Variants in PAX8 observed in about 807,000 individuals in gnomAD.
PAX8 encodes the protein paired box protein Pax-8.
In PAX8, 15 loss-of-function variants were observed where a neutral mutation model predicts 52.4. The ratio of observed to expected loss-of-function variants is 0.29; its 90% CI spans 0.19 to 0.44. The LOEUF (loss-of-function observed/expected upper bound fraction) is 0.44. Among genes scored for constraint, PAX8 ranks in the 20% least tolerant of loss-of-function variants. PAX8 has a pLI of 1.00. For synonymous variants in PAX8, 284 were observed against 249.7 expected (o/e 1.14, Z -1.29); for missense variants, 554 against 602.5 (o/e 0.92, Z 0.84).
chr2:113,225,478 C>T (rs955294730), intron 10 of PAX8: 1 of 152,192 alleles, frequency 6.6e-6, no homozygotes, highest in Admixed American at 6.5e-5. Flanking sequence ...AATAGTATTG[C>T]ATTTTCTAAA....
At chr2:113,229,431 T>C (rs1419246118) in intron 9 of PAX8, among the ~76,000 whole-genome samples, 3 of 152,228 alleles carry the variant, frequency 2.0e-5, no homozygotes, top group African/African-American at 7.2e-5. Context: ...TCCTACAGAA[T>C]AAAGAGCCAT....
chr2:113,219,827 A>G (rs1053439417), intron 11 of PAX8, among the ~76,000 whole-genome samples: 2 of 152,182 alleles, frequency 1.3e-5, no homozygotes, highest in Non-Finnish European at 2.9e-5. Context: ...CCTGAATCTT[A>G]CACAAAACAA....
intron 2 of PAX8, chr2:113,273,112 GATAA>G: frequency 6.6e-6 from 1 of 152,362 alleles, no homozygotes; most frequent in Non-Finnish European, 1.5e-5. Flanking sequence ...TTCTTGGACT[GATAA>G]ATAGAGCAGC....
chr2:113,262,735 G>A (rs1692777642), intron 2 of PAX8, among the ~76,000 whole-genome samples: 1 of 152,126 alleles, frequency 6.6e-6, no homozygotes, highest in Non-Finnish European at 1.5e-5. Flanking sequence ...AAAGCCATAT[G>A]AATATCAGAG....
At position 113,242,035 on chromosome 2, in the gene PAX8, C is replaced by T; in HGVS notation, c.574G>A (p.Gly192Ser). ...TCATCCATTTTCCTCTTGTCGCTGC[C>T]AGGCTGAGCGATGCCCAGGAGCCCA... Reference protein sequence around the residue: ...INGLLGIAQPGSDKRKMDDSD... With the variant: ...INGLLGIAQPSSDKRKMDDSD... The change falls in exon 6 of 12, where the codon GGC becomes AGC. Residue 192 changes from glycine to serine, a missense_variant. By Grantham distance (56) the Gly-to-Ser change is moderately conservative (BLOSUM62 0). This residue lies in a region of PAX8 where 445 missense variants were observed against 409.9 expected (regional missense o/e 1.09). Coordinates refer to ENST00000429538, the MANE Select transcript of PAX8 (RefSeq NM_003466.4). The T allele has an allele frequency of 6.2e-7, 1 of 1,613,784 alleles. No individual in the cohort carries two copies. The highest frequency in any genetic ancestry group is 8.5e-7 in the Non-Finnish European group (1 of 1,179,864).
At chr2:113,226,817 A>G in intron 10 of PAX8, 1 of 1,252,080 alleles carries the variant, frequency 8.0e-7, no homozygotes, top group Admixed American at 3.3e-5. Context: ...TGGGGCCCTT[A>G]GAGTGCTCTC....
At chr2:113,277,901 G>A (rs931064041) in intron 2 of PAX8, among the ~76,000 whole-genome samples, 14 of 152,138 alleles carry the variant, frequency 9.2e-5, no homozygotes, top group Admixed American at 2.0e-4. Flanking sequence ...CTCCATTGCC[G>A]TTGGCTTGAG....
chr2:113,272,740 A>T (rs1345187937), intron 2 of PAX8: 2 of 152,182 alleles, frequency 1.3e-5, no homozygotes, highest in Non-Finnish European at 2.9e-5. Context: ...CCCTCCCCAG[A>T]AGAACCTGGG....
intron 9 of PAX8, among the ~76,000 whole-genome samples, chr2:113,229,745 C>T (rs1364126306): frequency 1.3e-5 from 2 of 152,182 alleles, no homozygotes; most frequent in African/African-American, 4.8e-5. Context: ...ACAACACAAT[C>T]GACCCTCAAA....
chr2:113,224,159 G>A (rs1046230215), intron 10 of PAX8, among the ~76,000 whole-genome samples: 3 of 152,140 alleles, frequency 2.0e-5, no homozygotes, highest in Non-Finnish European at 4.4e-5. Context: ...ATGAATGGAC[G>A]AATGAATATG....
chr2:113,233,368 A>C (rs1035840870), intron 9 of PAX8, among the ~76,000 whole-genome samples: 3 of 151,536 alleles, frequency 2.0e-5, no homozygotes, highest in Non-Finnish European at 2.9e-5. Context: ...CCAGAAAGAA[A>C]ATGTAGAGCC....
In PAX8 at chr2:113,246,882, C is replaced by G. The variant is rs1258647771; in HGVS notation, c.63G>C (p.Val21=). The G allele has an allele frequency of 6.2e-7, 1 of 1,614,182 alleles. No individual in the cohort carries two copies. The highest frequency in any genetic ancestry group is 1.7e-5 in the Admixed American group (1 of 60,032). The change falls in exon 3 of 12, where the codon GTG becomes GTC. Residue 21 remains valine, a synonymous_variant. Transcript: ENST00000429538. The part of the protein sequence containing the change: ...GGLNQLGGAF[V]NGRPLPEVVR... ...CCACTTCCGGCAGAGGTCTGCCATTCACAAAGGCCCCTCCCAGCTGGTTCA... is the reference window on the plus strand; with the variant it reads ...CCACTTCCGGCAGAGGTCTGCCATTGACAAAGGCCCCTCCCAGCTGGTTCA...
chr2:113,226,351 A>C (rs2104429584), intron 10 of PAX8: 2 of 985,566 alleles, frequency 2.0e-6, no homozygotes, highest in East Asian at 1.1e-4. Context: ...ACCAGTGACA[A>C]TGGCTCAATT....
At chr2:113,226,693 A>ATC in intron 10 of PAX8, 2 of 1,123,922 alleles carry the variant, frequency 1.8e-6, no homozygotes, top group South Asian at 4.9e-5. Flanking sequence ...CATCATCATC[A>ATC]ATACCCTTCA....
intron 10 of PAX8, chr2:113,226,044 GCAA>G: frequency 1.0e-6 from 1 of 985,770 alleles, no homozygotes; most frequent in Non-Finnish European, 1.2e-6. Flanking sequence ...TAACCAGGCA[GCAA>G]CAAGTGCCAG....
intron 2 of PAX8, chr2:113,272,151 C>T (rs1176994429): frequency 6.6e-6 from 1 of 152,116 alleles, no homozygotes; most frequent in African/African-American, 2.4e-5. Flanking sequence ...AAGTATCCTT[C>T]GGGGACTCTT....
At chr2:113,226,866 C>T (rs2104431226) in intron 10 of PAX8, 1 of 1,315,920 alleles carries the variant, frequency 7.6e-7, no homozygotes, top group East Asian at 3.3e-5. Context: ...AGTGGTGGAG[C>T]TTGGATTTGA....
At chr2:113,278,490 GGCATGAGAT>G in intron 1 of PAX8, 21 bp from the exon 2 acceptor site, 1 of 1,570,230 alleles carries the variant, frequency 6.4e-7, no homozygotes, top group Non-Finnish European at 8.7e-7. Flanking sequence ...CCAGGAGAAG[GGCATGAGAT>G]GCGATGAGAT....
intron 7 of PAX8, chr2:113,241,058 A>C (rs914747404): frequency 4.4e-6 from 1 of 225,150 alleles, no homozygotes; most frequent in African/African-American, 2.3e-5. Context: ...AGTGGGAGGA[A>C]AGGCATTCTG....
Sources: allele counts gnomAD v4.1 joint callset (sites outside exome capture counted in the v4.1 genomes callset), GRCh38; gene constraint gnomAD v4.1.1; regional missense constraint gnomAD v4.1.1; transcripts MANE v1.5; gene names NCBI Gene and HGNC (gene_info 2026-07-23, HGNC 2026-07-21).